Variants in CDH12 observed in about 807,000 individuals in gnomAD.
CDH12 encodes the protein cadherin 12, also known as cadherin-12.
In CDH12, 41 loss-of-function variants were observed where a neutral mutation model predicts 74.1. The observed-to-expected ratio is 0.55, with a 90% CI of 0.43 to 0.72. CDH12 has a LOEUF of 0.72. CDH12 is among the 30% of genes least tolerant of loss of function. The probability of loss-of-function intolerance (pLI) is 0.00; values close to 1 mark genes in which losing one functional copy is unlikely to be tolerated. For synonymous variants in CDH12, 399 were observed against 355.0 expected (o/e 1.12, Z -1.39); for missense variants, 945 against 977.2 (o/e 0.97, Z 0.44).
chr5:21,812,705 T>C (rs1747814748), intron 9 of CDH12, among the ~76,000 whole-genome samples: 1 of 152,194 alleles, frequency 6.6e-6, no homozygotes, highest in African/African-American at 2.4e-5. Context: ...TGTGTGCATA[T>C]AAACACAATA....
intron 2 of CDH12, among the ~76,000 whole-genome samples, chr5:22,459,701 G>A (rs1446930423): frequency 6.6e-6 from 1 of 152,150 alleles, no homozygotes; most frequent in Non-Finnish European, 1.5e-5. Context: ...TTGGCTGGGT[G>A]CAGTGGCTCA....
At chr5:21,855,141 T>C (rs868489265) in intron 6 of CDH12, among the ~76,000 whole-genome samples, 1 of 151,726 alleles carries the variant, frequency 6.6e-6, no homozygotes, top group South Asian at 2.1e-4. Flanking sequence ...AATTTTATGA[T>C]TAGGATATCA....
In CDH12 at chr5:22,015,259, A is replaced by G. The variant is rs1737532707; in HGVS notation, c.232-39874T>C. Reference sequence around the variant, plus strand: ...GTGCCTTTACTATTAAAGAAATATCATTCAGTGAGTTTTTTGTACACATTT... The same window carrying G: ...GTGCCTTTACTATTAAAGAAATATCGTTCAGTGAGTTTTTTGTACACATTT... On this transcript the variant is annotated intron_variant, in intron 5 of 14. Coordinates refer to ENST00000382254, the MANE Select transcript of CDH12 (RefSeq NM_004061.5). Among the ~76,000 whole-genome samples, 3 of 152,192 alleles carry G rather than the reference A, an allele frequency of 2.0e-5. No individual in the cohort carries two copies. In the South Asian group the frequency reaches 6.2e-4, roughly 31 times the overall value.
intron 2 of CDH12, among the ~76,000 whole-genome samples, chr5:22,465,423 A>AT (rs1745688049): frequency 1.3e-5 from 2 of 152,106 alleles, no homozygotes; most frequent in African/African-American, 4.8e-5. Context: ...ATAGGGGAGG[A>AT]TCCCTTGAGG....
At chr5:22,665,518 C>T (rs1337463710) in intron 1 of CDH12, among the ~76,000 whole-genome samples, 3 of 152,170 alleles carry the variant, frequency 2.0e-5, no homozygotes, top group South Asian at 2.1e-4. Flanking sequence ...ATGCTATATA[C>T]ATGGTTTTCC....
Position 21,928,656 on chromosome 5 carries a change from GT to G in CDH12, c.526+46434del, listed in dbSNP as rs540872566. 3.3e-3 allele frequency among the ~76,000 whole-genome samples: 493 copies of G among 151,482 alleles called. 8 individuals carry two copies. The highest frequency in any genetic ancestry group is 0.016 in the East Asian group (84 of 5,160). On this transcript the variant is annotated intron_variant, in intron 6 of 14. Transcript: ENST00000382254. Reference sequence around the variant, plus strand: ...GTGTCTTCTAAAAATTCTATCAAGAGTTTTTTTTTAATTTTGTATTTTTTGT... The same window carrying G: ...GTGTCTTCTAAAAATTCTATCAAGAGTTTTTTTTAATTTTGTATTTTTTGT...
At chr5:22,025,766 T>C (rs1367350953) in intron 5 of CDH12, among the ~76,000 whole-genome samples, 1 of 152,174 alleles carries the variant, frequency 6.6e-6, no homozygotes, top group African/African-American at 2.4e-5. Context: ...TAATGTAATA[T>C]TCTAAATTCT....
intron 3 of CDH12, among the ~76,000 whole-genome samples, chr5:22,240,590 A>T (rs909194392): frequency 1.3e-5 from 2 of 152,168 alleles, no homozygotes; most frequent in African/African-American, 4.8e-5. Flanking sequence ...CTGGACTGCA[A>T]TGGTGCGATC....
intron 2 of CDH12, among the ~76,000 whole-genome samples, chr5:22,503,353 TTA>T (rs1454579106): frequency 2.6e-5 from 4 of 152,088 alleles, no homozygotes; most frequent in Non-Finnish European, 5.9e-5. Flanking sequence ...CTCCACAGCA[TTA>T]CTCTATTAAA....
intron 3 of CDH12, among the ~76,000 whole-genome samples, chr5:22,306,058 C>A (rs1432727892): frequency 5.3e-5 from 8 of 152,100 alleles, no homozygotes; most frequent in African/African-American, 1.9e-4. Flanking sequence ...TGTTATAATT[C>A]TCTCCCTGTG....
At chr5:22,425,760 G>C (rs1743904868) in intron 2 of CDH12, among the ~76,000 whole-genome samples, 1 of 152,000 alleles carries the variant, frequency 6.6e-6, no homozygotes, top group Non-Finnish European at 1.5e-5. Context: ...TTAAAGGTAA[G>C]AATATTCTCA....
At chr5:22,346,121 AAAG>A (rs1265848174) in intron 3 of CDH12, among the ~76,000 whole-genome samples, 2 of 151,682 alleles carry the variant, frequency 1.3e-5, no homozygotes, top group Non-Finnish European at 2.9e-5. Flanking sequence ...AAAAAAAAAA[AAAG>A]GAGAATATGG....
chr5:22,223,649 T>C (rs1199065088), intron 3 of CDH12, among the ~76,000 whole-genome samples: 2 of 151,916 alleles, frequency 1.3e-5, no homozygotes, highest in African/African-American at 4.8e-5. Flanking sequence ...TAATCTAGAG[T>C]AGGATTGGCC....
chr5:22,823,454 C>T (rs1253389018), intron 1 of CDH12, among the ~76,000 whole-genome samples: 1 of 152,046 alleles, frequency 6.6e-6, no homozygotes, highest in Non-Finnish European at 1.5e-5. Flanking sequence ...CATGTAAGAC[C>T]TCACTTGCTC....
At chr5:22,584,749 A>C (rs1048898277) in intron 1 of CDH12, among the ~76,000 whole-genome samples, 2 of 152,084 alleles carry the variant, frequency 1.3e-5, no homozygotes, top group African/African-American at 4.8e-5. Context: ...TTTCTCTATA[A>C]GTTATAGGCT....
chr5:22,466,681 T>C (rs1201839977), intron 2 of CDH12, among the ~76,000 whole-genome samples: 1 of 152,010 alleles, frequency 6.6e-6, no homozygotes, highest in African/African-American at 2.4e-5. Flanking sequence ...GTAAAACTTA[T>C]TTTCTGACCT....
chr5:22,661,372 T>G (rs268974), intron 1 of CDH12, among the ~76,000 whole-genome samples: 115,336 of 152,094 alleles, frequency 0.76, 44,385 homozygotes, highest in African/African-American at 0.89. Context: ...TTTCTTTAAA[T>G]AATTTAGCAG....
At chr5:21,813,092 C>T (rs11952593) in intron 9 of CDH12, among the ~76,000 whole-genome samples, 3 of 152,148 alleles carry the variant, frequency 2.0e-5, no homozygotes, top group Non-Finnish European at 2.9e-5. Flanking sequence ...ATCTGTTTCC[C>T]GGTTTACTTC....
At chr5:22,627,660 A>G (rs1466056176) in intron 1 of CDH12, among the ~76,000 whole-genome samples, 2 of 152,196 alleles carry the variant, frequency 1.3e-5, no homozygotes, top group African/African-American at 4.8e-5. Context: ...CATTGACACA[A>G]TAAAGCAACT....
Sources: allele counts gnomAD v4.1 joint callset (sites outside exome capture counted in the v4.1 genomes callset), GRCh38; gene constraint gnomAD v4.1.1; transcripts MANE v1.5; gene names NCBI Gene and HGNC (gene_info 2026-07-23, HGNC 2026-07-21).